SRD5A1: variants seen among roughly 807,000 people sequenced by gnomAD.
SRD5A1 encodes steroid 5 alpha-reductase 1, also known as 3-oxo-5-alpha-steroid 4-dehydrogenase 1.
Under a neutral mutation model 28.2 loss-of-function variants are expected in SRD5A1, and 22 were observed. The ratio of observed to expected loss-of-function variants is 0.78; its 90% CI spans 0.56 to 1.12. The LOEUF (loss-of-function observed/expected upper bound fraction) is 1.12. Ranked by LOEUF, SRD5A1 falls within the 50% of genes most tolerant of loss-of-function variation. The pLI is 0.00. For missense variants in SRD5A1, 300 were observed against 346.7 expected (o/e 0.87, Z 1.07); for synonymous variants, 151 against 135.0 (o/e 1.12, Z -0.82).
chr5:6,658,910 G>A (rs180755044), intron 3 of SRD5A1, among the ~76,000 whole-genome samples: 7 of 151,940 alleles, frequency 4.6e-5, no homozygotes, highest in Admixed American at 2.6e-4. Flanking sequence ...CCAGGAGTTC[G>A]AGACCAGCCT....
intron 1 of SRD5A1, 85 bp downstream of exon 1, chr5:6,633,954 C>G (rs1229440370): frequency 7.0e-7 from 1 of 1,431,710 alleles, no homozygotes; most frequent in African/African-American, 1.4e-5. Flanking sequence ...GTGCCCTCTC[C>G]CCGAAGCCTC....
intron 4 of SRD5A1, among the ~76,000 whole-genome samples, chr5:6,665,164 G>C (rs775313875): frequency 6.6e-6 from 1 of 152,194 alleles, no homozygotes; most frequent in Non-Finnish European, 1.5e-5. Flanking sequence ...ACACAGAGGC[G>C]GGGGCGATGC....
At chr5:6,640,334 T>C (rs894918368) in intron 1 of SRD5A1, among the ~76,000 whole-genome samples, 3 of 152,200 alleles carry the variant, frequency 2.0e-5, no homozygotes, top group Admixed American at 2.0e-4. Context: ...TTATATTATA[T>C]CTAAGCTTGT....
chr5:6,648,922 T>G (rs548018658), intron 1 of SRD5A1, among the ~76,000 whole-genome samples: 1 of 152,346 alleles, frequency 6.6e-6, no homozygotes, highest in Non-Finnish European at 1.5e-5. Context: ...TGGTCTTTGA[T>G]GTTGGCGATA....
intron 2 of SRD5A1, among the ~76,000 whole-genome samples, 174 bp downstream of exon 2, chr5:6,652,182 C>T (rs533790263): frequency 6.6e-6 from 1 of 152,316 alleles, no homozygotes; most frequent in South Asian, 2.1e-4. Context: ...CAGCTGGGGG[C>T]AGAGAGGTGA....
chr5:6,672,178 A>T lies in SRD5A1; in HGVS notation c.*3910A>T, dbSNP rs919702065. 2.6e-5 allele frequency: 4 copies of T among 152,232 alleles called. No individual in the cohort carries two copies. The highest frequency in any genetic ancestry group is 5.9e-5 in the Non-Finnish European group (4 of 68,050). The allele number at this position is 152,232 out of a possible 1,614,324, so 9.4% of individuals were successfully genotyped here. Reference sequence around the variant, plus strand: ...TTTGGAGTGGCATGCCTCTGAGCAGATAATTCCAATAATCAATGTCAAACT... The same window carrying T: ...TTTGGAGTGGCATGCCTCTGAGCAGTTAATTCCAATAATCAATGTCAAACT... On this transcript the variant is annotated 3_prime_UTR_variant, in exon 5 of 5. Coordinates refer to ENST00000274192, the MANE Select transcript of SRD5A1 (RefSeq NM_001047.4).
intron 1 of SRD5A1, 61 bp downstream of exon 1, chr5:6,633,930 C>T: frequency 6.4e-7 from 1 of 1,552,232 alleles, no homozygotes; most frequent in East Asian, 2.3e-5. Flanking sequence ...CTCCGACCCT[C>T]CCCTCACTGC....
At position 6,673,755 on chromosome 5, in the gene SRD5A1, A is replaced by G. The variant is rs909689414; in HGVS notation, c.*5487A>G. 6.6e-6 allele frequency: 1 copy of G among 152,252 alleles called. No homozygotes were observed. Among genetic ancestry groups the G allele is most frequent in the Non-Finnish European group, 1.5e-5 (1 of 68,046 alleles). 9.4% of individuals were successfully genotyped at this position (152,252 alleles called of 1,614,324 possible). On this transcript the variant is annotated 3_prime_UTR_variant, in exon 5 of 5. Transcript: ENST00000274192. ...TTCTATGAGGAAAATCTATTCATAC[A>G]ATAGAATACTAGTGTCAGAGATTTT...
intron 1 of SRD5A1, among the ~76,000 whole-genome samples, chr5:6,648,977 C>T (rs1045793291): frequency 6.6e-6 from 1 of 152,162 alleles, no homozygotes; most frequent in Non-Finnish European, 1.5e-5. Context: ...TTCTAACAGG[C>T]CCCTCTGCTG....
intron 3 of SRD5A1, among the ~76,000 whole-genome samples, chr5:6,656,630 G>A (rs2126543963): frequency 6.6e-6 from 1 of 152,352 alleles, no homozygotes; most frequent in East Asian, 1.9e-4. Flanking sequence ...GGAATCTGGA[G>A]CGTGTCTTTT....
At chr5:6,635,489 G>A (rs151123923) in intron 1 of SRD5A1, among the ~76,000 whole-genome samples, 2,635 of 152,250 alleles carry the variant, frequency 0.017, 34 homozygotes, top group Non-Finnish European at 0.027. Context: ...TCATGACCCT[G>A]GATGAGTTAC....
At chr5:6,667,111 T>A (rs1412592169) in intron 4 of SRD5A1, among the ~76,000 whole-genome samples, 1 of 152,228 alleles carries the variant, frequency 6.6e-6, no homozygotes, top group Non-Finnish European at 1.5e-5. Flanking sequence ...CAATGCACTT[T>A]CGCAGGTTTG....
intron 2 of SRD5A1, among the ~76,000 whole-genome samples, chr5:6,655,474 A>G (rs374877568): frequency 6.6e-6 from 1 of 152,206 alleles, no homozygotes; most frequent in African/African-American, 2.4e-5. Context: ...TCAAGAACCG[A>G]GGAGGAAGGA....
Position 6,671,771 on chromosome 5 carries a change from C to G in SRD5A1, c.*3503C>G, listed in dbSNP as rs1358816129. 1 of 152,218 alleles carries G rather than the reference C, an allele frequency of 6.6e-6. No individual in the cohort carries two copies. Among genetic ancestry groups the G allele is most frequent in the Non-Finnish European group, 1.5e-5 (1 of 68,152 alleles). 9.4% of individuals were successfully genotyped at this position (152,218 alleles called of 1,614,324 possible). A position where few individuals can be genotyped will look rare whatever the true frequency, so the allele number is the denominator to read the frequency against. ...GGGTGCACCAGGATCTCACAAATCA[C>G]CACTAAAGAATTTACTCATGTAACC... is the stretch of plus-strand genomic sequence containing the variant. On this transcript the variant is annotated 3_prime_UTR_variant, in exon 5 of 5. Transcript: ENST00000274192.
intron 4 of SRD5A1, among the ~76,000 whole-genome samples, chr5:6,665,016 G>A (rs981169444): frequency 1.3e-5 from 2 of 152,256 alleles, no homozygotes; most frequent in African/African-American, 4.8e-5. Context: ...TCTGCCAGAA[G>A]GTCATATGAG....
rs980847999 is a variant in SRD5A1, at chr5:6,662,246, G to C, written c.563-570G>C. On this transcript the variant is annotated intron_variant, in intron 3 of 4. Coordinates refer to ENST00000274192, the MANE Select transcript of SRD5A1 (RefSeq NM_001047.4). ...TAGTGACCTCCTCCACCCCATCCCA[G>C]CTCCGGGGCCCCCTCACTCTGCCCT... Among the ~76,000 whole-genome samples the C allele has an allele frequency of 7.9e-5, 12 of 152,154 alleles. No individual in the cohort carries two copies. In the South Asian group the frequency reaches 2.5e-3, roughly 31 times the overall value.
chr5:6,643,641 C>T (rs1339674424), intron 1 of SRD5A1, among the ~76,000 whole-genome samples: 2 of 152,154 alleles, frequency 1.3e-5, no homozygotes, highest in African/African-American at 4.8e-5. Context: ...CTTAACTCCT[C>T]TAGCAAGTGT....
chr5:6,670,340 C>A lies in SRD5A1; in HGVS notation c.*2072C>A, dbSNP rs1161949245. The A allele has an allele frequency of 6.6e-6, 1 of 152,178 alleles. No homozygotes were observed. The highest frequency in any genetic ancestry group is 6.5e-5 in the Admixed American group (1 of 15,274). 9.4% of individuals were successfully genotyped at this position (152,178 alleles called of 1,614,324 possible). A position where few individuals can be genotyped will look rare whatever the true frequency, so the allele number is the denominator to read the frequency against. On this transcript the variant is annotated 3_prime_UTR_variant, in exon 5 of 5. Coordinates refer to ENST00000274192, the MANE Select transcript of SRD5A1 (RefSeq NM_001047.4). ...GGCCATGGCTTCTCCCTCAGAGAGG[C>A]CTCTGTGCACGACTTCAGTCACCCA...
chr5:6,652,132 G>A (rs1012375289), intron 2 of SRD5A1, 124 bp downstream of exon 2: 4 of 1,131,516 alleles, frequency 3.5e-6, no homozygotes, highest in Non-Finnish European at 3.7e-6. Flanking sequence ...GAAAGCAGCA[G>A]CACCCCGGAG....
Sources: allele counts gnomAD v4.1 joint callset (sites outside exome capture counted in the v4.1 genomes callset), GRCh38; gene constraint gnomAD v4.1.1; transcripts MANE v1.5; gene names NCBI Gene and HGNC (gene_info 2026-07-23, HGNC 2026-07-21).